Variants in KYNU observed in about 807,000 individuals in gnomAD.
The protein encoded by KYNU is kynureninase.
KYNU carries 54 observed loss-of-function variants against 59.2 expected under a neutral mutation model. The observed-to-expected ratio is 0.91, with a 90% CI of 0.73 to 1.14. KYNU has a LOEUF of 1.14. KYNU is among the 50% of genes most tolerant of loss of function. The pLI is 0.00. For synonymous variants in KYNU, 177 were observed against 192.0 expected, an observed-to-expected ratio of 0.92 and a Z score of 0.65; for missense variants, 567 against 554.4, an observed-to-expected ratio of 1.02 and a Z score of -0.23.
rs1338632898 is a variant in KYNU, at chr2:143,043,492, TA to T, written c.*1323del. The T allele has an allele frequency of 6.6e-6, 1 of 151,826 alleles. No individual in the cohort carries two copies. The highest frequency in any genetic ancestry group is 2.4e-5 in the African/African-American group (1 of 41,376). 9.4% of individuals were successfully genotyped at this position (151,826 alleles called of 1,614,324 possible). On this transcript the variant is annotated 3_prime_UTR_variant, in exon 14 of 14. Coordinates refer to ENST00000264170, the MANE Select transcript of KYNU (RefSeq NM_003937.3). Reference sequence around the variant, plus strand: ...AGATAAACACTTCGGATGGTAGACGTAAACAATAATATGTGGAACTCCAACA... The same window carrying T: ...AGATAAACACTTCGGATGGTAGACGTAACAATAATATGTGGAACTCCAACA...
At chr2:142,889,659 T>A (rs571507149) in intron 2 of KYNU, among the ~76,000 whole-genome samples, 1 of 152,334 alleles carries the variant, frequency 6.6e-6, no homozygotes, top group African/African-American at 2.4e-5. Context: ...TTCCTTCTTT[T>A]TTGTTTTGAC....
At chr2:142,987,855 A>C (rs944727723) in intron 10 of KYNU, among the ~76,000 whole-genome samples, 1 of 151,806 alleles carries the variant, frequency 6.6e-6, no homozygotes, top group East Asian at 1.9e-4. Context: ...TGCTATTCTC[A>C]TGATGGTGAG....
intron 2 of KYNU, among the ~76,000 whole-genome samples, chr2:142,899,688 G>T (rs1189105342): frequency 2.0e-5 from 3 of 152,160 alleles, no homozygotes; most frequent in Non-Finnish European, 4.4e-5. Flanking sequence ...TCTTAGTCAT[G>T]CATCTGGGGC....
At chr2:142,916,118 A>T (rs1682661158) in intron 2 of KYNU, among the ~76,000 whole-genome samples, 1 of 152,134 alleles carries the variant, frequency 6.6e-6, no homozygotes. Flanking sequence ...AAATTGTAAG[A>T]CAATAAATTT....
At chr2:143,004,888 C>T (rs1401063126) in intron 10 of KYNU, among the ~76,000 whole-genome samples, 2 of 152,140 alleles carry the variant, frequency 1.3e-5, no homozygotes, top group Non-Finnish European at 2.9e-5. Context: ...TATCTAACCC[C>T]CCTCTACTAA....
At chr2:142,959,166 G>A (rs1684260727) in intron 7 of KYNU, among the ~76,000 whole-genome samples, 1 of 152,016 alleles carries the variant, frequency 6.6e-6, no homozygotes, top group African/African-American at 2.4e-5. Flanking sequence ...ATGGAGCAGA[G>A]TAATTGGCAA....
intron 4 of KYNU, among the ~76,000 whole-genome samples, chr2:142,946,331 G>A (rs1325410959): frequency 6.6e-6 from 1 of 151,718 alleles, no homozygotes; most frequent in Non-Finnish European, 1.5e-5. Flanking sequence ...CAATCCACAT[G>A]CCTAGGCCTC....
chr2:143,025,480 T>G (rs1426831788), intron 10 of KYNU, among the ~76,000 whole-genome samples: 1 of 152,124 alleles, frequency 6.6e-6, no homozygotes, highest in Non-Finnish European at 1.5e-5. Flanking sequence ...TGTTGATTCT[T>G]TCTATGGATG....
chr2:142,912,875 A>G (rs1436965431), intron 2 of KYNU, among the ~76,000 whole-genome samples: 2 of 149,282 alleles, frequency 1.3e-5, no homozygotes, highest in Non-Finnish European at 3.0e-5. Context: ...GCACCTGGCT[A>G]ATTTTTTTTT....
In KYNU at chr2:142,885,010, G is replaced by A. The variant is rs576887922; in HGVS notation, c.-19-339G>A. On this transcript the variant is annotated intron_variant, in intron 1 of 13. Coordinates refer to ENST00000264170, the MANE Select transcript of KYNU (RefSeq NM_003937.3). ...TCCCAGCACTTTGGGAGGCCGAGGT[G>A]GGCGGATCACTTGAGCCATTTTTTG... Among the ~76,000 whole-genome samples the A allele has an allele frequency of 6.0e-5, 8 of 134,326 alleles. No homozygotes were observed. In the South Asian group the frequency reaches 2.0e-3, roughly 33 times the overall value. The allele number at this position is 134,326 out of a possible 152,430, so 88.1% of individuals were successfully genotyped here.
At position 142,897,545 on chromosome 2, in the gene KYNU, AT is replaced by A. The variant is rs59514063; in HGVS notation, c.169+12010del. Among the ~76,000 whole-genome samples, 27 of 152,376 alleles carry A rather than the reference AT, an allele frequency of 1.8e-4. No individual in the cohort carries two copies. In the East Asian group the frequency reaches 5.2e-3, roughly 29 times the overall value. ...TTTCTTGGTAATACCAGAGATCCAA[AT>A]AATCAAAGCACAAATGAAACAAACA... On this transcript the variant is annotated intron_variant, in intron 2 of 13. Coordinates refer to ENST00000264170, the MANE Select transcript of KYNU (RefSeq NM_003937.3).
At position 143,025,339 on chromosome 2, in the gene KYNU, G is replaced by A. The variant is rs16858522; in HGVS notation, c.903-4288G>A. Reference sequence around the variant, plus strand: ...ATACCCAGTTCTTTTTTCATTGTTCGTCACTGAATGTGTTGAATTTTCCTA... The same window carrying A: ...ATACCCAGTTCTTTTTTCATTGTTCATCACTGAATGTGTTGAATTTTCCTA... On this transcript the variant is annotated intron_variant, in intron 10 of 13. Transcript: ENST00000264170. Among the ~76,000 whole-genome samples the A allele has an allele frequency of 4.0e-3, 601 of 151,718 alleles. 4 individuals are homozygous for A. Among genetic ancestry groups the A allele is most frequent in the African/African-American group, 0.014 (571 of 41,360 alleles).
chr2:142,978,073 C>T (rs1684941819), intron 8 of KYNU, among the ~76,000 whole-genome samples: 1 of 152,140 alleles, frequency 6.6e-6, no homozygotes, highest in Non-Finnish European at 1.5e-5. Flanking sequence ...CTTTCATCTT[C>T]CTCCTTTCCA....
intron 6 of KYNU, 67 bp downstream of exon 6, chr2:142,956,341 G>T: frequency 1.0e-6 from 1 of 992,018 alleles, no homozygotes. Context: ...TCATTTGCCT[G>T]ACTTGAATGT....
In KYNU at chr2:143,051,336, T is replaced by G. The variant is rs966158165; in HGVS notation, c.*9164T>G. 6.6e-6 allele frequency: 1 copy of G among 152,174 alleles called. No homozygotes were observed. Among genetic ancestry groups the G allele is most frequent in the Non-Finnish European group, 1.5e-5 (1 of 68,036 alleles). 9.4% of individuals were successfully genotyped at this position (152,174 alleles called of 1,614,324 possible). A position where few individuals can be genotyped will look rare whatever the true frequency, so the allele number is the denominator to read the frequency against. On this transcript the variant is annotated 3_prime_UTR_variant, in exon 14 of 14. Coordinates refer to ENST00000264170, the MANE Select transcript of KYNU (RefSeq NM_003937.3). ...ATTTATCTAAGACTATACAGTTCTT[T>G]TCAGAGAAAAACCTTCTTTATAAAC...
chr2:142,964,813 T>TTGTA (rs2105108857), intron 8 of KYNU: 1 of 152,314 alleles, frequency 6.6e-6, no homozygotes, highest in Non-Finnish European at 1.5e-5. Flanking sequence ...AGGCCTGAGA[T>TTGTA]TGTAGCAAGT....
chr2:143,012,992 T>C lies in KYNU; in HGVS notation c.903-16635T>C, dbSNP rs184770548. Among the ~76,000 whole-genome samples, 32 of 152,302 alleles carry C rather than the reference T, an allele frequency of 2.1e-4. No individual in the cohort carries two copies. The East Asian group carries it at 6.0e-3, about 28-fold the overall frequency. On this transcript the variant is annotated intron_variant, in intron 10 of 13. Coordinates refer to ENST00000264170, the MANE Select transcript of KYNU (RefSeq NM_003937.3). ...GGCTTTTTTCTTTCTTTTTTTCTTA[T>C]TAATTTTTTAGAGACAAAGTCTCAC...
Position 143,042,001 on chromosome 2 carries a change from G to A in KYNU, c.1273-46G>A, listed in dbSNP as rs200895305. 2,175 of 1,598,176 alleles carry A rather than the reference G, an allele frequency of 1.4e-3. 9 individuals carry two copies. Among genetic ancestry groups the A allele is most frequent in the South Asian group, 0.01 (932 of 90,644 alleles). ...TTTATCTGGAATGTAGATTTTCAACGTGTGAATAATGCTAACATTATTGTG... is the reference window on the plus strand; with the variant it reads ...TTTATCTGGAATGTAGATTTTCAACATGTGAATAATGCTAACATTATTGTG... On this transcript the variant is annotated intron_variant, in intron 13 of 13. Coordinates refer to ENST00000264170, the MANE Select transcript of KYNU (RefSeq NM_003937.3).
intron 4 of KYNU, among the ~76,000 whole-genome samples, chr2:142,940,093 G>A (rs1428501305): frequency 6.6e-6 from 1 of 152,180 alleles, no homozygotes; most frequent in Non-Finnish European, 1.5e-5. Context: ...ATCCTGAATT[G>A]CATTTAAAAG....
Sources: gnomAD v4.1 joint callset for allele counts (sites outside exome capture counted in the v4.1 genomes callset) on GRCh38, gnomAD v4.1.1 for gene constraint, MANE v1.5 for transcripts, NCBI Gene and HGNC (gene_info 2026-07-23, HGNC 2026-07-21) for gene names.